Variants in DPYSL3 observed in about 807,000 individuals in gnomAD.
DPYSL3 encodes dihydropyrimidinase like 3, also known as dihydropyrimidinase-related protein 3.
DPYSL3 carries 16 observed loss-of-function variants against 66.1 expected under a neutral mutation model. The observed-to-expected ratio is 0.24, with a 90% confidence interval of 0.16 to 0.37. The LOEUF (loss-of-function observed/expected upper bound fraction) is 0.37. Among genes scored for constraint, DPYSL3 ranks in the 10% least tolerant of loss-of-function variants. The probability of loss-of-function intolerance (pLI) is 1.00; values close to 1 mark genes in which losing one functional copy is unlikely to be tolerated. For synonymous variants in DPYSL3, 338 were observed against 345.1 expected (o/e 0.98, Z 0.23); for missense variants, 738 against 916.2 (o/e 0.81, Z 2.51).
chr5:147,419,076 A>G (rs1480035797), intron 2 of DPYSL3, among the ~76,000 whole-genome samples: 1 of 152,204 alleles, frequency 6.6e-6, no homozygotes, highest in Non-Finnish European at 1.5e-5. Context: ...AAGAACAGGT[A>G]TGGGAACTCA....
At chr5:147,419,380 G>A (rs760501248) in intron 2 of DPYSL3, among the ~76,000 whole-genome samples, 11 of 152,198 alleles carry the variant, frequency 7.2e-5, no homozygotes, top group Non-Finnish European at 1.0e-4. Context: ...GAGGAATAGG[G>A]GGGAGACTCA....
chr5:147,398,123 T>TA (rs1266353812), intron 11 of DPYSL3, among the ~76,000 whole-genome samples: 2 of 152,208 alleles, frequency 1.3e-5, no homozygotes, highest in Non-Finnish European at 2.9e-5. Flanking sequence ...AGAAGCTGGA[T>TA]AACTATCCAG....
rs1160956493 is a variant in DPYSL3 at position 147,392,370 on chromosome 5, G to A, written c.*1665C>T. 2.6e-5 allele frequency: 4 copies of A among 152,188 alleles called. No individual in the cohort carries two copies. The highest frequency in any genetic ancestry group is 4.4e-5 in the Non-Finnish European group (3 of 68,034). 9.4% of individuals were successfully genotyped at this position (152,188 alleles called of 1,614,324 possible). ...TCCAAATTCCTTTGTAGCCCAGTGT[G>A]TACTTTTCTCTGGTCTTCAACTTAT... On this transcript the variant is annotated 3_prime_UTR_variant, in exon 14 of 14. Transcript: ENST00000343218.
intron 1 of DPYSL3, among the ~76,000 whole-genome samples, chr5:147,489,823 G>A (rs907513286): frequency 6.6e-6 from 1 of 151,832 alleles, no homozygotes; most frequent in Non-Finnish European, 1.5e-5. Flanking sequence ...GGTGAAAGGA[G>A]GGTGAGGGCT....
intron 1 of DPYSL3, among the ~76,000 whole-genome samples, chr5:147,469,314 A>G (rs945312284): frequency 6.6e-6 from 1 of 152,224 alleles, no homozygotes; most frequent in African/African-American, 2.4e-5. Flanking sequence ...GGCCCAGGTG[A>G]GAAGATATAT....
chr5:147,458,396 G>A (rs1040743620), intron 1 of DPYSL3, among the ~76,000 whole-genome samples: 27 of 152,166 alleles, frequency 1.8e-4, no homozygotes, highest in Non-Finnish European at 2.9e-4. Context: ...GGTCTAAAAA[G>A]GGGAGGCATG....
intron 1 of DPYSL3, among the ~76,000 whole-genome samples, chr5:147,490,577 C>A (rs1048457024): frequency 6.6e-5 from 10 of 152,114 alleles, no homozygotes; most frequent in Non-Finnish European, 1.5e-4. Context: ...TGTTAAGAAG[C>A]TTAGAAGTCA....
chr5:147,475,931 G>A (rs985937576), intron 1 of DPYSL3, among the ~76,000 whole-genome samples: 2 of 152,110 alleles, frequency 1.3e-5, no homozygotes, highest in African/African-American at 2.4e-5. Flanking sequence ...TGTTTCTGCA[G>A]ATAACAATAG....
intron 1 of DPYSL3, chr5:147,472,682 T>C (rs1753102255): frequency 6.6e-6 from 1 of 152,190 alleles, no homozygotes; most frequent in Non-Finnish European, 1.5e-5. Flanking sequence ...TATCTCTCTG[T>C]TTTTCAAATT....
intron 11 of DPYSL3, among the ~76,000 whole-genome samples, chr5:147,398,731 C>T (rs11738709): frequency 0.25 from 38,395 of 152,062 alleles, 5,172 homozygotes; most frequent in East Asian, 0.54. Context: ...TGGCTAAGAC[C>T]AGTGCCATGT....
chr5:147,479,419 T>A (rs1397088454), intron 1 of DPYSL3, among the ~76,000 whole-genome samples: 2 of 152,154 alleles, frequency 1.3e-5, no homozygotes, highest in Non-Finnish European at 2.9e-5. Flanking sequence ...ACAGGACAAC[T>A]GTTTAGGAGC....
At chr5:147,460,873 G>T (rs1752920776) in intron 1 of DPYSL3, among the ~76,000 whole-genome samples, 1 of 152,142 alleles carries the variant, frequency 6.6e-6, no homozygotes, top group Non-Finnish European at 1.5e-5. Context: ...TAAGGTACAA[G>T]GTAATCTTGA....
intron 1 of DPYSL3, among the ~76,000 whole-genome samples, chr5:147,460,467 AC>A (rs1405786192): frequency 6.6e-6 from 1 of 152,190 alleles, no homozygotes; most frequent in Non-Finnish European, 1.5e-5. Context: ...TGAAGATGTC[AC>A]CTTACATGAC....
chr5:147,487,995 T>C (rs1753361385), intron 1 of DPYSL3, among the ~76,000 whole-genome samples: 1 of 152,224 alleles, frequency 6.6e-6, no homozygotes, highest in Admixed American at 6.5e-5. Flanking sequence ...TCTCTCCCTA[T>C]CAATTGTGTG....
At position 147,509,259 on chromosome 5, in the gene DPYSL3, C is replaced by G. The variant is rs1245464056; in HGVS notation, c.381+219G>C. Among the ~76,000 whole-genome samples the G allele has an allele frequency of 1.3e-5, 2 of 152,198 alleles. No homozygotes were observed. The highest frequency in any genetic ancestry group is 2.9e-5 in the Non-Finnish European group (2 of 68,038). On this transcript the variant is annotated intron_variant, in intron 1 of 13. Transcript: ENST00000343218. This position sits in a 1 kb window ranked among gnomAD's most constrained non-coding sequence, Gnocchi z 5.3. The stretch of plus-strand genomic sequence containing the variant: ...CTCCAGGCAGGGGAACCCGGGCATC[C>G]CTTCCGCGCTTGCACGAAGATGCTG...
chr5:147,483,946 G>T (rs748143882), intron 1 of DPYSL3, among the ~76,000 whole-genome samples: 26 of 152,222 alleles, frequency 1.7e-4, no homozygotes, highest in Non-Finnish European at 3.2e-4. Context: ...TGGCACTGAG[G>T]AGTGAACATT....
chr5:147,458,683 T>G (rs753349167), intron 1 of DPYSL3, among the ~76,000 whole-genome samples: 5 of 152,148 alleles, frequency 3.3e-5, no homozygotes, highest in Admixed American at 6.5e-5. Context: ...GAGAGACCAG[T>G]AAGCCTGGTT....
intron 1 of DPYSL3, among the ~76,000 whole-genome samples, chr5:147,452,923 A>G (rs1752764619): frequency 6.8e-6 from 1 of 146,674 alleles, no homozygotes; most frequent in South Asian, 2.2e-4. Flanking sequence ...ACACACACAC[A>G]CACATAAAGT....
At chr5:147,499,665 C>T (rs1363388539) in intron 1 of DPYSL3, among the ~76,000 whole-genome samples, 1 of 152,132 alleles carries the variant, frequency 6.6e-6, no homozygotes, top group Non-Finnish European at 1.5e-5. Context: ...CAGTTCCAAT[C>T]AAGATTCTAG....
Sources: allele counts gnomAD v4.1 joint callset (sites outside exome capture counted in the v4.1 genomes callset), GRCh38; gene constraint gnomAD v4.1.1; non-coding constraint Gnocchi (gnomAD v3.1); transcripts MANE v1.5; gene names NCBI Gene and HGNC (gene_info 2026-07-23, HGNC 2026-07-21).